The following ORC4 variants were observed in gnomAD, a reference collection of about 807,000 sequenced individuals.
ORC4 encodes origin recognition complex, subunit 4 homolog.
ORC4 carries 55 observed loss-of-function variants against 63.9 expected under a neutral mutation model. That is an observed-to-expected ratio of 0.86 (90% CI 0.69 to 1.08). The LOEUF is 1.08. Among genes scored for constraint, ORC4 ranks in the 50% least tolerant of loss-of-function variants. ORC4 has a pLI of 0.00. For synonymous variants in ORC4, 150 were observed against 168.5 expected (o/e 0.89, Z 0.85); for missense variants, 511 against 504.4 (o/e 1.01, Z -0.13).
intron 1 of ORC4, among the ~76,000 whole-genome samples, chr2:148,002,394 G>A (rs1391106890): frequency 6.6e-6 from 1 of 152,020 alleles, no homozygotes; most frequent in Non-Finnish European, 1.5e-5. Context: ...GCAAAAGAAT[G>A]AAGTCATAAC....
chr2:147,970,628 GA>G lies in ORC4; in HGVS notation c.225+2110del, dbSNP rs1164519398. On this transcript the variant is annotated intron_variant, in intron 4 of 13. Transcript: ENST00000392857. ...GGCATTCATTTGCAAAAAAAAAAAA[GA>G]AAAAAAAACGAATCTAAACACAGAC... Among the ~76,000 whole-genome samples the G allele has an allele frequency of 1.8e-4, 23 of 128,696 alleles. No individual in the cohort carries two copies. In the East Asian group the frequency reaches 4.1e-3, roughly 23 times the overall value. 84.4% of individuals were successfully genotyped at this position (128,696 alleles called of 152,430 possible).
At chr2:147,955,324 C>A in intron 7 of ORC4, 23 bp downstream of exon 7, 3 of 1,529,670 alleles carry the variant, frequency 2.0e-6, no homozygotes, top group Non-Finnish European at 1.8e-6. Flanking sequence ...TCTTCTGAAA[C>A]GGCTGAATAT....
At chr2:148,005,759 A>AT (rs1256979659) in intron 1 of ORC4, among the ~76,000 whole-genome samples, 5 of 151,702 alleles carry the variant, frequency 3.3e-5, no homozygotes, top group Admixed American at 6.6e-5. Context: ...CGAGTGGATC[A>AT]TTTGATCTCA....
intron 1 of ORC4, among the ~76,000 whole-genome samples, chr2:148,014,902 T>G (rs1286844202): frequency 6.6e-6 from 1 of 152,028 alleles, no homozygotes; most frequent in Non-Finnish European, 1.5e-5. Flanking sequence ...GAAACCAATT[T>G]CCAGCAGATA....
chr2:147,937,001 G>A (rs1688087877), intron 13 of ORC4: 1 of 125,746 alleles, frequency 8.0e-6, no homozygotes, highest in East Asian at 2.4e-4. Context: ...CAGCGTAGGC[G>A]ACAGGAGACT....
intron 7 of ORC4, among the ~76,000 whole-genome samples, chr2:147,955,042 C>T (rs1484360381): frequency 1.3e-5 from 2 of 151,748 alleles, no homozygotes; most frequent in African/African-American, 4.8e-5. Flanking sequence ...AATGATGATG[C>T]AGATCAAAAT....
intron 1 of ORC4, among the ~76,000 whole-genome samples, chr2:147,990,047 G>A (rs1317776665): frequency 6.6e-6 from 1 of 152,076 alleles, no homozygotes; most frequent in Non-Finnish European, 1.5e-5. Context: ...CCAGATGGTG[G>A]CAGAAGAAAA....
At chr2:148,008,829 A>C (rs1692777788) in intron 1 of ORC4, among the ~76,000 whole-genome samples, 3 of 152,172 alleles carry the variant, frequency 2.0e-5, no homozygotes, top group Admixed American at 6.5e-5. Flanking sequence ...CCATTGTTCC[A>C]TCTGTAAGGG....
chr2:147,934,396 A>G lies in ORC4; in HGVS notation c.*1114T>C, dbSNP rs1218870597. The G allele has an allele frequency of 1.3e-5, 2 of 152,148 alleles. No individual in the cohort carries two copies. Among genetic ancestry groups the G allele is most frequent in the Non-Finnish European group, 2.9e-5 (2 of 68,006 alleles). The allele number at this position is 152,148 out of a possible 1,614,324, so 9.4% of individuals were successfully genotyped here. Reference sequence around the variant, plus strand: ...CTTAAAAGACAATGCTTTGACGGACATTTCCACATTCCTCATAGGGATTTA... The same window carrying G: ...CTTAAAAGACAATGCTTTGACGGACGTTTCCACATTCCTCATAGGGATTTA... On this transcript the variant is annotated 3_prime_UTR_variant, in exon 14 of 14. Transcript: ENST00000392857.
intron 1 of ORC4, among the ~76,000 whole-genome samples, chr2:147,986,575 G>C (rs1016118133): frequency 2.6e-5 from 4 of 152,118 alleles, no homozygotes; most frequent in Non-Finnish European, 5.9e-5. Flanking sequence ...AGTTCTGAGA[G>C]AGAGACCAAG....
intron 1 of ORC4, among the ~76,000 whole-genome samples, chr2:147,991,906 A>G (rs1691636815): frequency 6.6e-6 from 1 of 152,226 alleles, no homozygotes; most frequent in Non-Finnish European, 1.5e-5. Flanking sequence ...GATACAAAGT[A>G]TCAATTCTGC....
chr2:147,941,646 A>G (rs1688369876), intron 10 of ORC4, among the ~76,000 whole-genome samples: 2 of 152,160 alleles, frequency 1.3e-5, no homozygotes, highest in South Asian at 4.1e-4. Flanking sequence ...ATCCCATATG[A>G]CAAAAAACAA....
At chr2:147,995,631 T>A (rs1367642300) in intron 1 of ORC4, among the ~76,000 whole-genome samples, 1 of 150,614 alleles carries the variant, frequency 6.6e-6, no homozygotes, top group Non-Finnish European at 1.5e-5. Context: ...ACAAACCCAC[T>A]GGGAGGAACA....
chr2:147,948,564 T>G (rs1339783912), intron 8 of ORC4, among the ~76,000 whole-genome samples: 1 of 151,840 alleles, frequency 6.6e-6, no homozygotes, highest in African/African-American at 2.4e-5. Context: ...GTACATTCTA[T>G]GAAGAACTGA....
chr2:147,938,791 C>CT, intron 11 of ORC4: 1 of 336,590 alleles, frequency 3.0e-6, no homozygotes, highest in South Asian at 3.0e-5. Context: ...CTGTGTATTC[C>CT]TTTTTTCCCC....
At chr2:147,962,996 A>G (rs2105326324) in intron 4 of ORC4, among the ~76,000 whole-genome samples, 1 of 152,152 alleles carries the variant, frequency 6.6e-6, no homozygotes, top group African/African-American at 2.4e-5. Flanking sequence ...GTGGCCAAGC[A>G]TCCCTGTGAA....
chr2:147,974,256 T>C (rs529709401), intron 2 of ORC4, among the ~76,000 whole-genome samples: 1 of 152,288 alleles, frequency 6.6e-6, no homozygotes, highest in African/African-American at 2.4e-5. Flanking sequence ...ATATGAATTT[T>C]AAAAGGTTAA....
chr2:147,980,475 G>T (rs1690817105), intron 1 of ORC4, among the ~76,000 whole-genome samples: 1 of 151,160 alleles, frequency 6.6e-6, no homozygotes, highest in African/African-American at 2.4e-5. Context: ...GACTGTATAA[G>T]GAACTAAAAA....
rs1422827347 is a variant in ORC4, at chr2:147,948,175, C to T, written c.638G>A (p.Arg213Gln). The change falls in exon 9 of 14, where the codon CGG (arginine) becomes CAG (glutamine). Residue 213 changes from arginine to glutamine, a missense_variant. By Grantham distance (43) the Arg-to-Gln change is conservative. Transcript: ENST00000392857. Reference protein sequence around the residue: ...EKRVKSRFSHRQIHLMNSFGF... With the variant: ...EKRVKSRFSHQQIHLMNSFGF... Reference sequence around the variant, plus strand: ...AAATGAATTCATTAAGTGTATCTGCCGGTGAGAAAATCTTGACTTCACTCT... The same window carrying T: ...AAATGAATTCATTAAGTGTATCTGCTGGTGAGAAAATCTTGACTTCACTCT... The T allele has an allele frequency of 1.2e-5, 20 of 1,609,196 alleles. No homozygotes were observed. Among genetic ancestry groups the T allele is most frequent in the East Asian group, 8.9e-5 (4 of 44,702 alleles).
Sources: allele counts gnomAD v4.1 joint callset (sites outside exome capture counted in the v4.1 genomes callset), GRCh38; gene constraint gnomAD v4.1.1; transcripts MANE v1.5; gene names NCBI Gene and HGNC (gene_info 2026-07-23, HGNC 2026-07-21).